ARHGAP24: variants seen among roughly 807,000 people sequenced by gnomAD.
ARHGAP24 encodes the protein Rho GTPase activating protein 24, also known as rho GTPase-activating protein 24.
ARHGAP24 carries 50 observed loss-of-function variants against 76.4 expected under a neutral mutation model. The observed-to-expected ratio is 0.65, with a 90% CI of 0.52 to 0.83. The LOEUF (loss-of-function observed/expected upper bound fraction) is 0.83. ARHGAP24 is among the 40% of genes least tolerant of loss of function. ARHGAP24 has a pLI of 0.00. For synonymous variants in ARHGAP24, 345 were observed against 323.3 expected (o/e 1.07, Z -0.72); for missense variants, 930 against 914.2 (o/e 1.02, Z -0.22).
At chr4:85,828,058 T>A in intron 3 of ARHGAP24, 2 of 1,045,090 alleles carry the variant, frequency 1.9e-6, no homozygotes, top group Non-Finnish European at 2.6e-6. Context: ...TTGGGGATAT[T>A]TATATCACCA....
At chr4:85,677,725 A>G (rs1723033889) in intron 2 of ARHGAP24, among the ~76,000 whole-genome samples, 1 of 152,248 alleles carries the variant, frequency 6.6e-6, no homozygotes, top group Admixed American at 6.5e-5. Flanking sequence ...AATGTCAGAA[A>G]AATGAGCACA....
chr4:85,870,748 T>A (rs1578323936), intron 3 of ARHGAP24, among the ~76,000 whole-genome samples: 1 of 152,232 alleles, frequency 6.6e-6, no homozygotes, highest in East Asian at 1.9e-4. Context: ...TGAATGAGGG[T>A]TGTAGGTTCC....
At chr4:85,512,318 G>T (rs1724317937) in intron 1 of ARHGAP24, among the ~76,000 whole-genome samples, 1 of 152,228 alleles carries the variant, frequency 6.6e-6, no homozygotes, top group Non-Finnish European at 1.5e-5. Flanking sequence ...CTGGCACATA[G>T]TAAGTACAAG....
intron 3 of ARHGAP24, among the ~76,000 whole-genome samples, chr4:85,871,488 A>G (rs551868621): frequency 6.1e-4 from 93 of 152,314 alleles, no homozygotes; most frequent in Non-Finnish European, 1.1e-3. Context: ...GAAAGAATGA[A>G]AAGGTAAATC....
intron 2 of ARHGAP24, among the ~76,000 whole-genome samples, chr4:85,589,935 T>G (rs943355243): frequency 1.3e-5 from 2 of 152,228 alleles, no homozygotes; most frequent in Admixed American, 1.3e-4. Context: ...CATTGCAAAT[T>G]TTCATGCCAT....
At chr4:85,988,032 G>A (rs1740105438) in intron 8 of ARHGAP24, among the ~76,000 whole-genome samples, 1 of 151,640 alleles carries the variant, frequency 6.6e-6, no homozygotes, top group South Asian at 2.1e-4. Context: ...TTGAAGTACT[G>A]AAAAAAATCT....
At chr4:85,559,229 A>G (rs144735013) in intron 1 of ARHGAP24, among the ~76,000 whole-genome samples, 1,651 of 152,308 alleles carry the variant, frequency 0.011, 19 homozygotes, top group Admixed American at 0.024. Flanking sequence ...TAATCCTATT[A>G]CTTTTCAGAT....
chr4:85,494,799 C>T (rs184563433), intron 1 of ARHGAP24, among the ~76,000 whole-genome samples: 33 of 152,124 alleles, frequency 2.2e-4, no homozygotes, highest in Admixed American at 1.2e-3. Context: ...TGAAAACTCT[C>T]AAGAAAAAGA....
Position 85,613,446 on chromosome 4 carries a change from A to G in ARHGAP24, c.180+42725A>G, listed in dbSNP as rs539452387. ...ATACGTATATATACATATGTACATC[A>G]TATATATGCTTTGATTTTTGCCTCC... is the stretch of plus-strand genomic sequence containing the variant. On this transcript the variant is annotated intron_variant, in intron 2 of 9. Transcript: ENST00000395184. Among the ~76,000 whole-genome samples the G allele has an allele frequency of 3.3e-5, 5 of 152,306 alleles. No homozygotes were observed. The South Asian group carries it at 1.0e-3, about 32-fold the overall frequency.
At chr4:85,495,092 C>G (rs548304327) in intron 1 of ARHGAP24, among the ~76,000 whole-genome samples, 1,886 of 101,186 alleles carry the variant, frequency 0.019, 24 homozygotes, top group Non-Finnish European at 0.025. Flanking sequence ...GAGACTCCGT[C>G]TCAAAAAAAA....
At chr4:85,630,334 A>G (rs960693848) in intron 2 of ARHGAP24, among the ~76,000 whole-genome samples, 9 of 152,106 alleles carry the variant, frequency 5.9e-5, no homozygotes, top group African/African-American at 2.2e-4. Context: ...TTTTCAGACA[A>G]CTTGTAGATT....
intron 2 of ARHGAP24, among the ~76,000 whole-genome samples, chr4:85,714,426 T>A (rs1368661907): frequency 6.6e-6 from 1 of 152,066 alleles, no homozygotes; most frequent in Non-Finnish European, 1.5e-5. Flanking sequence ...ATGATAATGC[T>A]TCTCAAGTGT....
At chr4:85,622,882 G>A (rs1172346678) in intron 2 of ARHGAP24, among the ~76,000 whole-genome samples, 1 of 152,094 alleles carries the variant, frequency 6.6e-6, no homozygotes, top group Non-Finnish European at 1.5e-5. Context: ...TTTTTTGGCT[G>A]CATAAATGTC....
intron 3 of ARHGAP24, among the ~76,000 whole-genome samples, chr4:85,802,205 A>G (rs1728606768): frequency 6.6e-6 from 1 of 152,166 alleles, no homozygotes; most frequent in Admixed American, 6.5e-5. Context: ...GCGCTAACCA[A>G]ACGACTTTAC....
rs185696837 is a variant in ARHGAP24 at position 85,960,314 on chromosome 4, A to G, written c.600-11722A>G. On this transcript the variant is annotated intron_variant, in intron 5 of 9. Coordinates refer to ENST00000395184, the MANE Select transcript of ARHGAP24 (RefSeq NM_001025616.3). ...GATAATCCGTGTTAAGGAAATGGTTACAGAGTCTCTAAGGAATTAATAGTA... is the reference window on the plus strand; with the variant it reads ...GATAATCCGTGTTAAGGAAATGGTTGCAGAGTCTCTAAGGAATTAATAGTA... Among the ~76,000 whole-genome samples, 247 of 152,338 alleles carry G rather than the reference A, an allele frequency of 1.6e-3. 2 individuals are homozygous for G. The highest frequency in any genetic ancestry group is 3.3e-3 in the Admixed American group (50 of 15,298).
intron 2 of ARHGAP24, among the ~76,000 whole-genome samples, chr4:85,646,096 C>A (rs1475794150): frequency 6.6e-6 from 1 of 151,964 alleles, no homozygotes; most frequent in Non-Finnish European, 1.5e-5. Context: ...TATTTAAAAG[C>A]TTACATTGTC....
At chr4:85,662,011 G>T (rs371902827) in intron 2 of ARHGAP24, among the ~76,000 whole-genome samples, 1 of 152,168 alleles carries the variant, frequency 6.6e-6, no homozygotes, top group East Asian at 1.9e-4. Context: ...AGCATGATTT[G>T]TAGTCCTTTG....
At chr4:85,573,821 T>C (rs1727246961) in intron 2 of ARHGAP24, among the ~76,000 whole-genome samples, 1 of 152,192 alleles carries the variant, frequency 6.6e-6, no homozygotes, top group Non-Finnish European at 1.5e-5. Flanking sequence ...GGAGTCACTT[T>C]CTTGCTTCTA....
At chr4:85,915,571 GC>G (rs1473463585) in intron 3 of ARHGAP24, among the ~76,000 whole-genome samples, 1 of 149,292 alleles carries the variant, frequency 6.7e-6, no homozygotes, top group African/African-American at 2.5e-5. Flanking sequence ...CCCTCCCCTA[GC>G]CCCCCACGCC....
Sources: allele counts gnomAD v4.1 joint callset (sites outside exome capture counted in the v4.1 genomes callset), GRCh38; gene constraint gnomAD v4.1.1; transcripts MANE v1.5; gene names NCBI Gene and HGNC (gene_info 2026-07-23, HGNC 2026-07-21).